The following PAG1 variants were observed in gnomAD, a reference collection of about 807,000 sequenced individuals.
PAG1 encodes the protein phosphoprotein membrane anchor with glycosphingolipid microdomains 1.
PAG1 carries 23 observed loss-of-function variants against 31.7 expected under a neutral mutation model. That is an observed-to-expected ratio of 0.73 (90% CI 0.52 to 1.03). The LOEUF is 1.03. Ranked by LOEUF, PAG1 falls within the 50% of genes least tolerant of loss-of-function variation. The pLI is 0.00. For synonymous variants in PAG1, 214 were observed against 210.3 expected, an observed-to-expected ratio of 1.02 and a Z score of -0.15; for missense variants, 473 against 540.7, an observed-to-expected ratio of 0.87 and a Z score of 1.24.
intron 2 of PAG1, among the ~76,000 whole-genome samples, chr8:81,069,706 T>C (rs962084862): frequency 6.6e-6 from 1 of 152,170 alleles, no homozygotes; most frequent in Non-Finnish European, 1.5e-5. Flanking sequence ...GTGAGCACTG[T>C]GTATCCTATT....
At chr8:81,031,136 T>A (rs1483548654) in intron 2 of PAG1, among the ~76,000 whole-genome samples, 1 of 152,228 alleles carries the variant, frequency 6.6e-6, no homozygotes, top group East Asian at 1.9e-4. Flanking sequence ...GATAGCAGAG[T>A]CAGCAGAATA....
intron 3 of PAG1, among the ~76,000 whole-genome samples, chr8:80,998,298 T>C (rs1341598033): frequency 6.6e-6 from 1 of 151,684 alleles, no homozygotes; most frequent in Non-Finnish European, 1.5e-5. Context: ...CCCAGCTAAT[T>C]TTTGTATTTT....
chr8:81,069,051 T>G (rs758737157), intron 2 of PAG1, among the ~76,000 whole-genome samples: 1 of 152,188 alleles, frequency 6.6e-6, no homozygotes, highest in Non-Finnish European at 1.5e-5. Flanking sequence ...ATGTGGATAA[T>G]CAAAGGTCTT....
At chr8:81,106,538 G>A (rs1378984606) in intron 1 of PAG1, among the ~76,000 whole-genome samples, 1 of 151,906 alleles carries the variant, frequency 6.6e-6, no homozygotes, top group Non-Finnish European at 1.5e-5. Flanking sequence ...TCACTTCTCA[G>A]GTTAAAAAAA....
rs938579960 is a variant in PAG1, at chr8:80,969,240, A to G, written c.*7304T>C. 1 of 152,222 alleles carries G rather than the reference A, an allele frequency of 6.6e-6. No homozygotes were observed. Among genetic ancestry groups the G allele is most frequent in the Admixed American group, 6.5e-5 (1 of 15,286 alleles). The allele number at this position is 152,222 out of a possible 1,614,324, so 9.4% of individuals were successfully genotyped here. On this transcript the variant is annotated 3_prime_UTR_variant, in exon 9 of 9. Transcript: ENST00000220597. ...TACTATACTCAAAAAGTAAAGTTAAAAAAAGCAAGCATGCTTAAGGGATGG... is the reference window on the plus strand; with the variant it reads ...TACTATACTCAAAAAGTAAAGTTAAGAAAAGCAAGCATGCTTAAGGGATGG...
chr8:80,993,174 C>T lies in PAG1; in HGVS notation c.54G>A (p.Trp18Ter). 6.2e-7 allele frequency: 1 copy of T among 1,613,790 alleles called. No individual in the cohort carries two copies. The highest frequency in any genetic ancestry group is 8.5e-7 in the Non-Finnish European group (1 of 1,179,912). Reference sequence around the variant, plus strand: ...AAATGGCGACAGCAGCCAGACTTCCCCACAGGGTGATCTGCATCTGTCCGC... The same window carrying T: ...AAATGGCGACAGCAGCCAGACTTCCTCACAGGGTGATCTGCATCTGTCCGC... ...LGSGQMQITL[W>*]GSLAAVAIFF... The change falls in exon 4 of 9, where the codon TGG (tryptophan) becomes TGA (stop). Residue 18 changes from tryptophan to a stop codon, truncating the protein, a stop_gained. Coordinates refer to ENST00000220597, the MANE Select transcript of PAG1 (RefSeq NM_018440.4). LOFTEE classifies it high-confidence loss of function.
rs1023584711 is a variant in PAG1, at chr8:80,990,037, C to T, written c.177+1442G>A. The stretch of plus-strand genomic sequence containing the variant: ...CGACAGTGGGGCGTTCCCTCCATCC[C>T]TCCCACCCTCCCTGCTGAGGCCACC... On this transcript the variant is annotated intron_variant, in intron 5 of 8. Transcript: ENST00000220597. The surrounding 1 kb of genome is among the most constrained non-coding windows in gnomAD (Gnocchi z 5.1). Among the ~76,000 whole-genome samples, 4 of 151,938 alleles carry T rather than the reference C, an allele frequency of 2.6e-5. No homozygotes were observed. Among genetic ancestry groups the T allele is most frequent in the African/African-American group, 9.7e-5 (4 of 41,360 alleles).
chr8:80,991,504 C>T lies in PAG1; in HGVS notation c.152G>A (p.Gly51Glu), dbSNP rs1214966806. 2 of 1,613,738 alleles carry T rather than the reference C, an allele frequency of 1.2e-6. No individual in the cohort carries two copies. The highest frequency in any genetic ancestry group is 1.7e-5 in the Admixed American group (1 of 60,030). The change falls in exon 5 of 9, where the codon GGG becomes GAG. Residue 51 changes from glycine (G) to glutamate (E), a missense_variant. Physicochemically the swap from Gly to Glu is moderately conservative, Grantham distance 98. Coordinates refer to ENST00000220597, the MANE Select transcript of PAG1 (RefSeq NM_018440.4). ...CACGTTCATCAGGTTCTCATGGTCC[C>T]CACTATGCTGTCGCGGCTTCTTTTC... ...DREKKPRQHS[G>E]DHENLMNVPS... is the part of the protein sequence containing the mutation.
chr8:81,088,380 CTT>C (rs1317845749), intron 1 of PAG1, among the ~76,000 whole-genome samples: 1 of 152,106 alleles, frequency 6.6e-6, no homozygotes, highest in Non-Finnish European at 1.5e-5. Flanking sequence ...TTTCACCTCT[CTT>C]ATTTTTTTCT....
At chr8:81,036,063 C>T (rs1186872839) in intron 2 of PAG1, among the ~76,000 whole-genome samples, 1 of 152,166 alleles carries the variant, frequency 6.6e-6, no homozygotes, top group Non-Finnish European at 1.5e-5. Flanking sequence ...GGTGTTTATA[C>T]TGATCCCTGT....
chr8:81,088,665 T>A (rs1809399006), intron 1 of PAG1, among the ~76,000 whole-genome samples: 1 of 152,232 alleles, frequency 6.6e-6, no homozygotes, highest in Non-Finnish European at 1.5e-5. Flanking sequence ...CTGCCTTGCC[T>A]ATTTAATACT....
intron 2 of PAG1, among the ~76,000 whole-genome samples, chr8:81,045,493 G>C (rs954737794): frequency 6.6e-6 from 1 of 152,194 alleles, no homozygotes; most frequent in Non-Finnish European, 1.5e-5. Context: ...GAGACAGAAA[G>C]TAGATCAGTA....
intron 2 of PAG1, chr8:81,067,773 G>A (rs1193074207): frequency 6.6e-6 from 1 of 152,204 alleles, no homozygotes; most frequent in Non-Finnish European, 1.5e-5. Context: ...CTTAGAATTG[G>A]TTTGAATTAA....
At chr8:81,047,562 CA>C (rs1385620973) in intron 2 of PAG1, among the ~76,000 whole-genome samples, 1 of 152,124 alleles carries the variant, frequency 6.6e-6, no homozygotes, top group Non-Finnish European at 1.5e-5. Flanking sequence ...CCTTTAAAAT[CA>C]AAAGGCTCTT....
chr8:80,997,882 C>T (rs1385002922), intron 3 of PAG1, among the ~76,000 whole-genome samples: 3 of 151,998 alleles, frequency 2.0e-5, no homozygotes, highest in Non-Finnish European at 4.4e-5. Context: ...GGTACTACCT[C>T]AATCTCCACC....
intron 2 of PAG1, among the ~76,000 whole-genome samples, chr8:81,042,309 G>T (rs1291718797): frequency 6.6e-6 from 1 of 152,184 alleles, no homozygotes; most frequent in Non-Finnish European, 1.5e-5. Flanking sequence ...AAGGGTCAGT[G>T]TGAGGCTCAA....
chr8:81,054,261 G>T (rs1808778293), intron 2 of PAG1, among the ~76,000 whole-genome samples: 1 of 152,138 alleles, frequency 6.6e-6, no homozygotes, highest in Non-Finnish European at 1.5e-5. Context: ...TCAGACAGAT[G>T]GTTCCAAAAC....
At chr8:81,091,507 T>C (rs938707204) in intron 1 of PAG1, among the ~76,000 whole-genome samples, 1 of 152,182 alleles carries the variant, frequency 6.6e-6, no homozygotes, top group Non-Finnish European at 1.5e-5. Context: ...CTAGGCTATA[T>C]GGGGTAGCCT....
intron 1 of PAG1, among the ~76,000 whole-genome samples, chr8:81,106,455 G>C (rs1809694741): frequency 6.6e-6 from 1 of 151,888 alleles, no homozygotes; most frequent in Non-Finnish European, 1.5e-5. Context: ...AATGCCCCCA[G>C]TCAGGCCAAT....
Sources: allele counts gnomAD v4.1 joint callset (sites outside exome capture counted in the v4.1 genomes callset), GRCh38; gene constraint gnomAD v4.1.1; non-coding constraint Gnocchi (gnomAD v3.1); transcripts MANE v1.5; gene names NCBI Gene and HGNC (gene_info 2026-07-23, HGNC 2026-07-21).